Variants in PREX2 observed in about 807,000 individuals in gnomAD.
The protein encoded by PREX2 is phosphatidylinositol 3,4,5-trisphosphate-dependent Rac exchanger 2 protein.
A neutral mutation model predicts 203.2 loss-of-function variants in PREX2; 107 were observed. The ratio of observed to expected loss-of-function variants is 0.53; its 90% CI spans 0.45 to 0.62. The LOEUF is 0.62. Among genes scored for constraint, PREX2 ranks in the 20% least tolerant of loss-of-function variants. The probability of loss-of-function intolerance (pLI) is 0.00; values close to 1 mark genes in which losing one functional copy is unlikely to be tolerated. For missense variants in PREX2, 1,777 were observed against 1,955.9 expected (o/e 0.91, Z 1.72); for synonymous variants, 672 against 663.6 (o/e 1.01, Z -0.19).
intron 23 of PREX2, chr8:68,106,253 T>C: frequency 2.0e-6 from 1 of 488,266 alleles, no homozygotes; most frequent in Admixed American, 2.3e-5. Context: ...CTTGTGAGAC[T>C]TTTATCCTGC....
intron 1 of PREX2, among the ~76,000 whole-genome samples, chr8:67,997,084 A>T (rs1343129851): frequency 6.6e-6 from 1 of 152,174 alleles, no homozygotes; most frequent in Non-Finnish European, 1.5e-5. Flanking sequence ...GGTGGTATTT[A>T]TGGGAAGTAT....
chr8:68,104,928 C>T (rs1262103331), intron 23 of PREX2, among the ~76,000 whole-genome samples: 1 of 152,132 alleles, frequency 6.6e-6, no homozygotes, highest in African/African-American at 2.4e-5. Context: ...TTCTTTATTG[C>T]AAAATTGCAG....
In PREX2 at chr8:68,203,318, A is replaced by G. The variant is rs1812545243; in HGVS notation, c.4604+10793A>G. 2.0e-5 allele frequency among the ~76,000 whole-genome samples: 3 copies of G among 152,262 alleles called. No individual in the cohort carries two copies. The South Asian group carries it at 6.2e-4, about 32-fold the overall frequency. On this transcript the variant is annotated intron_variant, in intron 37 of 39. Transcript: ENST00000288368. The stretch of plus-strand genomic sequence containing the variant: ...AAATAAATCAGGATGGAGGGCTGCT[A>G]CAGGAAGAAAATATGCATTCATCTT...
intron 17 of PREX2, among the ~76,000 whole-genome samples, chr8:68,081,550 C>T (rs946968561): frequency 3.3e-5 from 5 of 152,152 alleles, no homozygotes; most frequent in African/African-American, 9.7e-5. Flanking sequence ...GTATTATGCA[C>T]GGCAGATGGT....
intron 1 of PREX2, among the ~76,000 whole-genome samples, chr8:68,003,919 G>C (rs1475558028): frequency 1.4e-5 from 2 of 142,372 alleles, no homozygotes; most frequent in Non-Finnish European, 3.0e-5. Context: ...CGCAATCTCG[G>C]CTCACTGCAA....
chr8:67,954,545 C>T (rs1379871980), intron 1 of PREX2, among the ~76,000 whole-genome samples: 1 of 152,166 alleles, frequency 6.6e-6, no homozygotes, highest in Non-Finnish European at 1.5e-5. Flanking sequence ...CTGGTAATTC[C>T]TCTTCTAGGA....
intron 5 of PREX2, among the ~76,000 whole-genome samples, chr8:68,029,392 C>T (rs778136916): frequency 6.6e-6 from 1 of 152,092 alleles, no homozygotes; most frequent in African/African-American, 2.4e-5. Flanking sequence ...TCTGGAGAAG[C>T]CTGCATGTCT....
chr8:67,965,527 A>ATG lies in PREX2; in HGVS notation c.141+12996_141+12997dup, dbSNP rs1218657240. The stretch of plus-strand genomic sequence containing the variant: ...TATATATGTGTGTGTATATATATAT[A>ATG]TGTGTATATGTATATATATACACAC... On this transcript the variant is annotated intron_variant, in intron 1 of 39. Transcript: ENST00000288368. Among the ~76,000 whole-genome samples the ATG allele has an allele frequency of 1.8e-4, 28 of 151,874 alleles. No individual in the cohort carries two copies. In the East Asian group the frequency reaches 1.9e-3, roughly 11 times the overall value.
intron 24 of PREX2, 136 bp from the exon 25 acceptor site, chr8:68,109,280 G>A (rs776679656): frequency 7.0e-5 from 45 of 643,714 alleles, no homozygotes; most frequent in East Asian, 6.1e-4. Flanking sequence ...GCATATATAC[G>A]TCAAAACATC....
chr8:68,147,892 A>C (rs889765958), intron 34 of PREX2, among the ~76,000 whole-genome samples: 16 of 152,110 alleles, frequency 1.1e-4, no homozygotes, highest in Non-Finnish European at 2.1e-4. Flanking sequence ...GGAAGAGAAC[A>C]AAAAAAGAAG....
intron 39 of PREX2, among the ~76,000 whole-genome samples, chr8:68,229,912 C>A (rs148044941): frequency 6.6e-6 from 1 of 152,322 alleles, no homozygotes; most frequent in African/African-American, 2.4e-5. Context: ...CCATATTCTT[C>A]AGCTGCAAAA....
At chr8:68,018,099 G>A (rs1322067696) in intron 2 of PREX2, among the ~76,000 whole-genome samples, 182 bp downstream of exon 2, 1 of 152,054 alleles carries the variant, frequency 6.6e-6, no homozygotes, top group African/African-American at 2.4e-5. Context: ...AGAGATGGAA[G>A]ATTAAGAGAA....
intron 35 of PREX2, among the ~76,000 whole-genome samples, chr8:68,172,688 AG>A (rs1312350057): frequency 6.6e-6 from 1 of 152,166 alleles, no homozygotes; most frequent in Non-Finnish European, 1.5e-5. Context: ...TTGGGGGAGA[AG>A]GGATATTTTC....
At chr8:68,041,120 A>C (rs1455098564) in intron 7 of PREX2, among the ~76,000 whole-genome samples, 1 of 152,148 alleles carries the variant, frequency 6.6e-6, no homozygotes, top group East Asian at 1.9e-4. Context: ...TGTTTTAGTG[A>C]AATGGTACCA....
chr8:68,130,675 T>G (rs1434755), intron 31 of PREX2, among the ~76,000 whole-genome samples: 97,647 of 152,084 alleles, frequency 0.64, 31,471 homozygotes, highest in African/African-American at 0.68. Context: ...CTTAGAATGG[T>G]TGGTTGAAAG....
At chr8:68,047,131 G>A (rs1369886618) in intron 8 of PREX2, among the ~76,000 whole-genome samples, 1 of 151,958 alleles carries the variant, frequency 6.6e-6, no homozygotes, top group Non-Finnish European at 1.5e-5. Flanking sequence ...AGGCATCAGC[G>A]TATGGAGGTT....
At chr8:68,072,143 G>C (rs143045363) in intron 13 of PREX2, among the ~76,000 whole-genome samples, 2,006 of 152,218 alleles carry the variant, frequency 0.013, 18 homozygotes, top group Admixed American at 0.02. Flanking sequence ...TTCACTTAAA[G>C]TCGCAGTTTC....
At chr8:67,963,571 A>G (rs2129017713) in intron 1 of PREX2, among the ~76,000 whole-genome samples, 1 of 152,060 alleles carries the variant, frequency 6.6e-6, no homozygotes, top group Admixed American at 6.5e-5. Context: ...TCTTTAATAA[A>G]TCTCTAGTTC....
intron 22 of PREX2, 26 bp downstream of exon 22, chr8:68,097,227 A>AT (rs1258639488): frequency 1.1e-5 from 17 of 1,572,034 alleles, no homozygotes; most frequent in Non-Finnish European, 1.4e-5. Flanking sequence ...AAGAAATAAG[A>AT]TTTTTTGTTC....
Sources: allele counts gnomAD v4.1 joint callset (sites outside exome capture counted in the v4.1 genomes callset), GRCh38; gene constraint gnomAD v4.1.1; transcripts MANE v1.5; gene names NCBI Gene and HGNC (gene_info 2026-07-23, HGNC 2026-07-21).